Variants in RBPJ observed in about 807,000 individuals in gnomAD.
RBPJ encodes the protein recombination signal binding protein for immunoglobulin kappa J region.
RBPJ carries 9 observed loss-of-function variants against 67.8 expected under a neutral mutation model. The ratio of observed to expected loss-of-function variants is 0.13; its 90% CI spans 0.08 to 0.23. The LOEUF is 0.23. RBPJ is among the 10% of genes least tolerant of loss of function. The pLI is 1.00. For missense variants in RBPJ, 305 were observed against 595.6 expected, an observed-to-expected ratio of 0.51 and a Z score of 5.08; for synonymous variants, 198 against 203.3, an observed-to-expected ratio of 0.97 and a Z score of 0.22.
At position 26,430,118 on chromosome 4, in the gene RBPJ, T is replaced by C; in HGVS notation, c.1044+65T>C. 1 of 1,521,084 alleles carries C rather than the reference T, an allele frequency of 6.6e-7. No homozygotes were observed. The highest frequency in any genetic ancestry group is 9.1e-7 in the Non-Finnish European group (1 of 1,098,490). The allele number at this position is 1,521,084 out of a possible 1,614,324, so 94.2% of individuals were successfully genotyped here. On this transcript the variant is annotated intron_variant, in intron 9 of 10. Transcript: ENST00000355476. The surrounding 1 kb of genome is among the most constrained non-coding windows in gnomAD (Gnocchi z 4.1). ...AGCTACTCTCAGCTGTGACCTGGCA[T>C]CATTTCATTTCATGGGAGTTTTGAT...
At chr4:26,381,509 C>T (rs559416547) in intron 1 of RBPJ, among the ~76,000 whole-genome samples, 1 of 152,206 alleles carries the variant, frequency 6.6e-6, no homozygotes, top group Admixed American at 6.5e-5. Flanking sequence ...GCTGTTCTTA[C>T]TTTGAATATA....
the RBPJ span, among the ~76,000 whole-genome samples, chr4:26,141,505 C>G: frequency 6.6e-6 from 1 of 152,214 alleles, no homozygotes; most frequent in Non-Finnish European, 1.5e-5. Context: ...AAAACCACAG[C>G]ATCTATTTTT....
chr4:26,133,238 T>G, the RBPJ span, among the ~76,000 whole-genome samples: 1 of 152,230 alleles, frequency 6.6e-6, no homozygotes, highest in African/African-American at 2.4e-5. Context: ...ATCTTGACTT[T>G]GGGAATTCGT....
chr4:26,154,181 G>A, the RBPJ span, among the ~76,000 whole-genome samples: 1 of 152,080 alleles, frequency 6.6e-6, no homozygotes, highest in Non-Finnish European at 1.5e-5. Flanking sequence ...CATAACACGG[G>A]GAACAGAAAG....
intron 1 of RBPJ, among the ~76,000 whole-genome samples, chr4:26,221,949 T>A (rs931681851): frequency 1.3e-5 from 2 of 151,590 alleles, no homozygotes; most frequent in African/African-American, 2.4e-5. Flanking sequence ...GTGAGAGGGA[T>A]GGGGGGAGGG....
intron 1 of RBPJ, among the ~76,000 whole-genome samples, chr4:26,328,961 G>A (rs1016576543): frequency 6.6e-6 from 1 of 152,086 alleles, no homozygotes; most frequent in Non-Finnish European, 1.5e-5. Flanking sequence ...TATTAATCAG[G>A]GATACAGAGG....
At chr4:26,307,175 T>A (rs1289593745) in intron 1 of RBPJ, among the ~76,000 whole-genome samples, 3 of 152,234 alleles carry the variant, frequency 2.0e-5, no homozygotes, top group African/African-American at 4.8e-5. Context: ...TTACCAACTG[T>A]CAGCATTGTC....
upstream of RBPJ, among the ~76,000 whole-genome samples, chr4:26,162,511 C>G (rs535259343): frequency 1.3e-5 from 2 of 152,344 alleles, no homozygotes; most frequent in South Asian, 4.1e-4. Context: ...TTACCAAGTG[C>G]TTATCATTGT....
At chr4:26,331,601 T>G (rs1005541817) in intron 1 of RBPJ, among the ~76,000 whole-genome samples, 3 of 152,192 alleles carry the variant, frequency 2.0e-5, no homozygotes, top group African/African-American at 7.2e-5. Context: ...TTTCCTCGTT[T>G]GCTGTGTTCC....
At chr4:26,362,404 A>G in intron 1 of RBPJ, 2 of 1,275,644 alleles carry the variant, frequency 1.6e-6, no homozygotes, top group South Asian at 1.8e-5. Context: ...GCAGTTTAAC[A>G]TACCAACACT....
At chr4:26,275,692 G>A (rs1009108097) in intron 1 of RBPJ, among the ~76,000 whole-genome samples, 1 of 152,100 alleles carries the variant, frequency 6.6e-6, no homozygotes. Flanking sequence ...GTGCAGTAGC[G>A]CGATCTCGGC....
intron 1 of RBPJ, among the ~76,000 whole-genome samples, chr4:26,384,894 C>G (rs1227722297): frequency 8.9e-5 from 4 of 44,808 alleles, no homozygotes; most frequent in Admixed American, 8.2e-4. Flanking sequence ...CCCCTCTCCC[C>G]TCTTGCCTCT....
At position 26,392,536 on chromosome 4, in the gene RBPJ, T is replaced by C. The variant is rs566502516; in HGVS notation, c.59+6145T>C. ...ACATAGATGGATCTTAAAATAATTA[T>C]ATTCAATTTTCTAAATATATCAGGA... On this transcript the variant is annotated intron_variant, in intron 2 of 10. Transcript: ENST00000355476. 6.6e-5 allele frequency among the ~76,000 whole-genome samples: 10 copies of C among 152,356 alleles called. No individual in the cohort carries two copies. The East Asian group carries it at 1.9e-3, about 29-fold the overall frequency.
upstream of RBPJ, among the ~76,000 whole-genome samples, chr4:26,161,230 CA>C (rs1196577319): frequency 3.3e-5 from 5 of 152,196 alleles, no homozygotes; most frequent in Non-Finnish European, 5.9e-5. Flanking sequence ...TGGAGGGTGA[CA>C]GGCTACATGG....
intron 1 of RBPJ, among the ~76,000 whole-genome samples, chr4:26,165,415 T>C (rs1346870564): frequency 1.3e-5 from 2 of 152,350 alleles, no homozygotes; most frequent in Non-Finnish European, 2.9e-5. Flanking sequence ...CCTCATTTCA[T>C]AGATGAAGTT....
At chr4:26,268,994 C>G (rs764045229) in intron 1 of RBPJ, among the ~76,000 whole-genome samples, 1 of 152,066 alleles carries the variant, frequency 6.6e-6, no homozygotes, top group African/African-American at 2.4e-5. Context: ...CTCTAATATT[C>G]GGCTTCTTTG....
At chr4:26,349,736 C>T (rs1323364282) in intron 1 of RBPJ, among the ~76,000 whole-genome samples, 1 of 152,176 alleles carries the variant, frequency 6.6e-6, no homozygotes. Flanking sequence ...CAGCAGACCT[C>T]CATGTGGTAT....
intron 1 of RBPJ, among the ~76,000 whole-genome samples, chr4:26,220,269 A>G (rs1327180447): frequency 2.6e-5 from 4 of 152,210 alleles, no homozygotes; most frequent in Non-Finnish European, 4.4e-5. Flanking sequence ...GTACCTGCAA[A>G]GATGTATGTG....
At chr4:26,333,806 C>T (rs1354510337) in intron 1 of RBPJ, among the ~76,000 whole-genome samples, 1 of 152,102 alleles carries the variant, frequency 6.6e-6, no homozygotes, top group Non-Finnish European at 1.5e-5. Flanking sequence ...CCTCCTGCCT[C>T]AGCCTGCCAA....
Sources: allele counts gnomAD v4.1 joint callset (sites outside exome capture counted in the v4.1 genomes callset), GRCh38; gene constraint gnomAD v4.1.1; non-coding constraint Gnocchi (gnomAD v3.1); transcripts MANE v1.5; gene names NCBI Gene and HGNC (gene_info 2026-07-23, HGNC 2026-07-21).